Variants in ANKAR observed in about 807,000 individuals in gnomAD.
ANKAR encodes ankyrin and armadillo repeat containing.
ANKAR carries 136 observed loss-of-function variants against 146.2 expected under a neutral mutation model. That is an observed-to-expected ratio of 0.93 (90% confidence interval 0.81 to 1.07). The LOEUF is 1.07. Among genes scored for constraint, ANKAR ranks in the 50% least tolerant of loss-of-function variants. The pLI, the probability that ANKAR is intolerant of heterozygous loss-of-function variation, is 0.00. For synonymous variants in ANKAR, 500 were observed against 575.8 expected, an observed-to-expected ratio of 0.87 and a Z score of 1.88; for missense variants, 1,567 against 1,679.9, an observed-to-expected ratio of 0.93 and a Z score of 1.18.
At position 189,689,658 on chromosome 2, in the gene ANKAR, C is replaced by G; in HGVS notation, c.733C>G (p.Leu245Val). The G allele has an allele frequency of 1.2e-6, 2 of 1,613,632 alleles. No homozygotes were observed. The highest frequency in any genetic ancestry group is 1.7e-6 in the Non-Finnish European group (2 of 1,179,776). ...TATGAAATATGCTGAAAATATTATG[C>G]TAAAGTTAACATTCAGTACCACACA... ...VFMKYAENIM[L>V]KLTFSTTQIQ... The change falls in exon 3 of 23, where the codon CTA becomes GTA. Residue 245 changes from leucine (L) to valine (V), a missense_variant. Physicochemically the swap from Leu to Val is conservative, Grantham distance 32 (BLOSUM62 1). Transcript: ENST00000684021.
intron 12 of ANKAR, 33 bp downstream of exon 12, chr2:189,720,820 AC>A: frequency 7.1e-7 from 1 of 1,415,456 alleles, no homozygotes; most frequent in Non-Finnish European, 9.3e-7. Context: ...TTTTATAATG[AC>A]CAGATATATT....
At chr2:189,713,594 A>G (rs2040002570) in intron 10 of ANKAR, among the ~76,000 whole-genome samples, 1 of 152,240 alleles carries the variant, frequency 6.6e-6, no homozygotes, top group Non-Finnish European at 1.5e-5. Context: ...GGCCTGCCTT[A>G]CAAGAGCTCC....
Position 189,728,716 on chromosome 2 carries a change from T to C in ANKAR, c.3088T>C (p.Cys1030Arg), listed in dbSNP as rs752308253. Residue 1030 changes from cysteine (C) to arginine (R), a missense_variant, in exon 15 of 23, where the codon TGT becomes CGT. Transcript: ENST00000684021. ...KDSRMHQNQI[C>R]EGNGIAPLVR... is the part of the protein sequence containing the mutation. ...CAGCAGGATGCATCAAAATCAAATATGTGAAGGGAATGGAATTGCACCATT... is the reference window on the plus strand; with the variant it reads ...CAGCAGGATGCATCAAAATCAAATACGTGAAGGGAATGGAATTGCACCATT... The C allele has an allele frequency of 6.8e-6, 11 of 1,614,050 alleles. No homozygotes were observed. In the East Asian group the frequency reaches 2.2e-4, roughly 33 times the overall value.
At chr2:189,754,704 T>C (rs1159779381) in intron 18 of ANKAR, 3 of 251,382 alleles carry the variant, frequency 1.2e-5, no homozygotes, top group Non-Finnish European at 2.3e-5. Context: ...TGTTTGTTTG[T>C]TTGTTTTCCT....
At chr2:189,694,122 C>A (rs908416730) in intron 5 of ANKAR, among the ~76,000 whole-genome samples, 8 of 151,104 alleles carry the variant, frequency 5.3e-5, no homozygotes, top group Non-Finnish European at 8.9e-5. Flanking sequence ...CACACCTACC[C>A]AGGAGGCTGA....
rs539779588 is a variant in ANKAR, at chr2:189,746,303, G to A, written c.4058-77G>A. On this transcript the variant is annotated intron_variant, in intron 22 of 22. Coordinates refer to ENST00000684021, the MANE Select transcript of ANKAR (RefSeq NM_001378068.1). ...ATGTTTTAGTTATGTAAAGAAAATA[G>A]AACTACATAGAAGTAGAAGTAATGA... 90 of 1,424,338 alleles carry A rather than the reference G, an allele frequency of 6.3e-5. No homozygotes were observed. The South Asian group carries it at 9.4e-4, about 15-fold the overall frequency. 88.2% of individuals were successfully genotyped at this position (1,424,338 alleles called of 1,614,324 possible).
chr2:189,701,188 CTCTCTTTCT>C (rs778900067), intron 7 of ANKAR, among the ~76,000 whole-genome samples: 2 of 151,878 alleles, frequency 1.3e-5, no homozygotes, highest in African/African-American at 4.8e-5. Context: ...CTTTTCCTTT[CTCTCTTTCT>C]TCTCTTTCTG....
intron 17 of ANKAR, among the ~76,000 whole-genome samples, chr2:189,733,638 T>C (rs2105861205): frequency 6.6e-6 from 1 of 152,268 alleles, no homozygotes; most frequent in Admixed American, 6.5e-5. Context: ...TTTTTAACTT[T>C]AAAAATTTTG....
At chr2:189,762,484 G>T, downstream of ANKAR, 1 of 669,110 alleles carries the variant, frequency 1.5e-6, no homozygotes, top group Non-Finnish European at 1.8e-6. Context: ...AGAGGAATTA[G>T]ATTTGCATTA....
intron 10 of ANKAR, among the ~76,000 whole-genome samples, chr2:189,718,791 G>A (rs1426461125): frequency 2.7e-4 from 39 of 143,268 alleles, no homozygotes; most frequent in African/African-American, 9.5e-4. Flanking sequence ...CGCCCAGGCC[G>A]GACTGCGGAC....
chr2:189,731,936 A>G (rs2042439979), intron 16 of ANKAR, among the ~76,000 whole-genome samples: 1 of 152,108 alleles, frequency 6.6e-6, no homozygotes, highest in Admixed American at 6.5e-5. Flanking sequence ...GCCTGGGCTC[A>G]AGAGATCCTC....
intron 12 of ANKAR, among the ~76,000 whole-genome samples, chr2:189,726,406 T>G (rs989290136): frequency 5.9e-5 from 9 of 152,062 alleles, no homozygotes; most frequent in African/African-American, 1.9e-4. Flanking sequence ...CTTAGCCTAC[T>G]GCATAGCTGG....
At chr2:189,732,659 TAAAAAAA>T (rs10707585) in intron 16 of ANKAR, among the ~76,000 whole-genome samples, 5 of 50,388 alleles carry the variant, frequency 9.9e-5, no homozygotes, top group Non-Finnish European at 1.8e-4. Flanking sequence ...AGACTCCATC[TAAAAAAA>T]AAAAAAAAAA....
In ANKAR at chr2:189,755,001, T is replaced by A. The variant is rs991988369; in HGVS notation, c.*585-6097T>A. On this transcript the variant is annotated intron_variant and NMD_transcript_variant, in intron 18 of 18. Coordinates refer to the ANKAR transcript ENST00000441800. ...CCATTTTATTAAGAAAGGCTAAGAA[T>A]TATAAAATTGTGTACTACTCTTTCT... 1.4e-5 allele frequency: 10 copies of A among 710,640 alleles called. No homozygotes were observed. The African/African-American group carries it at 1.6e-4, about 12-fold the overall frequency. The allele number at this position is 710,640 out of a possible 1,614,324, so 44.0% of individuals were successfully genotyped here. A position where few individuals can be genotyped will look rare whatever the true frequency, so the allele number is the denominator to read the frequency against.
chr2:189,700,476 A>G (rs908547238), intron 7 of ANKAR, among the ~76,000 whole-genome samples: 4 of 152,198 alleles, frequency 2.6e-5, no homozygotes, highest in African/African-American at 9.6e-5. Flanking sequence ...CAGGCATGCA[A>G]TGCATAATAA....
chr2:189,724,378 G>A (rs1034097411), intron 12 of ANKAR, among the ~76,000 whole-genome samples: 7 of 152,060 alleles, frequency 4.6e-5, no homozygotes, highest in Admixed American at 3.3e-4. Flanking sequence ...ATGGCCTATA[G>A]CCCTTTTTAC....
downstream of ANKAR, chr2:189,761,611 A>C (rs772339053): frequency 1.2e-6 from 2 of 1,607,124 alleles, no homozygotes. Context: ...GTTTAAAAAA[A>C]ACTCCTGCAG....
chr2:189,726,565 A>G (rs1235226078), intron 12 of ANKAR, among the ~76,000 whole-genome samples: 1 of 152,198 alleles, frequency 6.6e-6, no homozygotes, highest in Admixed American at 6.6e-5. Context: ...TTCATTAAAA[A>G]TGTCTATGTC....
chr2:189,728,552 C>T, intron 14 of ANKAR, 108 bp from the exon 15 acceptor site: 6 of 1,486,422 alleles, frequency 4.0e-6, no homozygotes, highest in Non-Finnish European at 4.6e-6. Context: ...ATCCTCTTGC[C>T]TCAGCCTCCC....
Sources: gnomAD v4.1 joint callset for allele counts (sites outside exome capture counted in the v4.1 genomes callset) on GRCh38, gnomAD v4.1.1 for gene constraint, MANE v1.5 for transcripts, NCBI Gene and HGNC (gene_info 2026-07-23, HGNC 2026-07-21) for gene names.